GFRA2: variants seen among roughly 807,000 people sequenced by gnomAD.
GFRA2 encodes the protein GDNF family receptor alpha 2.
Under a neutral mutation model 48.3 loss-of-function variants are expected in GFRA2, and 17 were observed. That is an observed-to-expected ratio of 0.35 (90% CI 0.24 to 0.53). The LOEUF is 0.53. Among genes scored for constraint, GFRA2 ranks in the 20% least tolerant of loss-of-function variants. GFRA2 has a pLI of 0.93. For missense variants in GFRA2, 660 were observed against 637.3 expected (o/e 1.04, Z -0.38); for synonymous variants, 305 against 257.2 (o/e 1.19, Z -1.78).
At chr8:21,778,793 A>G (rs1806832918) in intron 2 of GFRA2, among the ~76,000 whole-genome samples, 1 of 152,044 alleles carries the variant, frequency 6.6e-6, no homozygotes, top group African/African-American at 2.4e-5. Context: ...AGGCTGAGGC[A>G]GAAGGGTCAC....
chr8:21,707,793 C>T (rs1210052914), intron 4 of GFRA2, among the ~76,000 whole-genome samples: 2 of 152,172 alleles, frequency 1.3e-5, no homozygotes, highest in East Asian at 1.9e-4. Context: ...GTGAAGGTTC[C>T]GGAACCATGT....
intron 3 of GFRA2, among the ~76,000 whole-genome samples, chr8:21,768,378 G>C (rs1806281440): frequency 6.6e-6 from 1 of 152,230 alleles, no homozygotes; most frequent in African/African-American, 2.4e-5. Context: ...GGCAGGGAGA[G>C]CTGCTGCTGT....
At chr8:21,725,782 T>C (rs1337937808) in intron 4 of GFRA2, among the ~76,000 whole-genome samples, 1 of 152,174 alleles carries the variant, frequency 6.6e-6, no homozygotes, top group Admixed American at 6.5e-5. Context: ...CTCTCTGCAG[T>C]GCAAGCCCAA....
intron 2 of GFRA2, among the ~76,000 whole-genome samples, chr8:21,799,933 C>T (rs951182524): frequency 1.8e-4 from 27 of 152,288 alleles, no homozygotes; most frequent in African/African-American, 6.5e-4. Flanking sequence ...TGGCCTTGTG[C>T]CCTCCCACAG....
intron 2 of GFRA2, among the ~76,000 whole-genome samples, chr8:21,800,304 T>A (rs1807747646): frequency 6.6e-6 from 1 of 152,200 alleles, no homozygotes; most frequent in African/African-American, 2.4e-5. Flanking sequence ...AAGGCCCTAA[T>A]GTAAAATAAT....
intron 2 of GFRA2, among the ~76,000 whole-genome samples, chr8:21,794,230 T>A (rs1204876524): frequency 1.7e-4 from 24 of 139,042 alleles, no homozygotes; most frequent in Non-Finnish European, 3.4e-4. Flanking sequence ...ATCCTGAGAG[T>A]GACTTTTTTT....
intron 4 of GFRA2, among the ~76,000 whole-genome samples, chr8:21,738,783 G>T (rs1016820028): frequency 6.6e-6 from 1 of 152,140 alleles, no homozygotes; most frequent in Non-Finnish European, 1.5e-5. Flanking sequence ...GTGGGGGCCG[G>T]CCCCGCATGT....
intron 4 of GFRA2, among the ~76,000 whole-genome samples, chr8:21,736,291 T>C (rs1226377179): frequency 6.6e-6 from 1 of 151,776 alleles, no homozygotes; most frequent in Non-Finnish European, 1.5e-5. Context: ...AGTGGGAAAA[T>C]GTTAACAATG....
chr8:21,717,038 C>T (rs1004193160), intron 4 of GFRA2, among the ~76,000 whole-genome samples: 7 of 152,212 alleles, frequency 4.6e-5, no homozygotes, highest in East Asian at 1.9e-4. Context: ...CCAGGTCAGC[C>T]GGCTGCTCTC....
At chr8:21,760,864 A>G (rs966081242) in intron 3 of GFRA2, among the ~76,000 whole-genome samples, 2 of 152,126 alleles carry the variant, frequency 1.3e-5, no homozygotes, top group Non-Finnish European at 2.9e-5. Flanking sequence ...AAAAATCAAG[A>G]GATGCTGATT....
chr8:21,781,681 G>A (rs1437150986), intron 2 of GFRA2, among the ~76,000 whole-genome samples: 1 of 152,080 alleles, frequency 6.6e-6, no homozygotes, highest in Non-Finnish European at 1.5e-5. Context: ...CTTCAGGAGG[G>A]CAGAGGCTGC....
intron 7 of GFRA2, among the ~76,000 whole-genome samples, chr8:21,700,792 T>C (rs914148614): frequency 6.6e-6 from 1 of 152,096 alleles, no homozygotes; most frequent in African/African-American, 2.4e-5. Flanking sequence ...CCTCTCCCTC[T>C]AGGGTGTATC....
At position 21,750,107 on chromosome 8, in the gene GFRA2, A is replaced by ACACACACACACACACGCACG. The variant is rs201515239; in HGVS notation, c.794+480_794+481insCGTGCGTGTGTGTGTGTGTG. Among the ~76,000 whole-genome samples, 1 of 150,656 alleles carries ACACACACACACACACGCACG rather than the reference A, an allele frequency of 6.6e-6. No individual in the cohort carries two copies. Among genetic ancestry groups the ACACACACACACACACGCACG allele is most frequent in the Non-Finnish European group, 1.5e-5 (1 of 67,780 alleles). On this transcript the variant is annotated intron_variant, in intron 4 of 8. Coordinates refer to ENST00000524240, the MANE Select transcript of GFRA2 (RefSeq NM_001495.5). The surrounding 1 kb of genome is among the most constrained non-coding windows in gnomAD (Gnocchi z 5.7). ...TGTGTATACACACACACACACACACACACGCACATATATAGGTAGAGACTG... is the reference window on the plus strand; with the variant it reads ...TGTGTATACACACACACACACACACACACACACACACACACGCACGCACGCACATATATAGGTAGAGACTG...
chr8:21,737,424 T>TC (rs1804523426), intron 4 of GFRA2, among the ~76,000 whole-genome samples: 1 of 151,666 alleles, frequency 6.6e-6, no homozygotes, highest in Admixed American at 6.6e-5. Context: ...TAGGACCCCC[T>TC]CCACCTGACT....
intron 4 of GFRA2, among the ~76,000 whole-genome samples, chr8:21,746,724 G>A (rs149143884): frequency 0.012 from 1,808 of 151,510 alleles, 17 homozygotes; most frequent in Non-Finnish European, 0.02. Flanking sequence ...TTTCAACGCC[G>A]TTTCTGGTTC....
intron 2 of GFRA2, among the ~76,000 whole-genome samples, chr8:21,775,986 CCT>C (rs1806675743): frequency 2.4e-5 from 3 of 124,602 alleles, no homozygotes; most frequent in South Asian, 2.6e-4. Flanking sequence ...CACCACTCAT[CCT>C]CTGTGTGTGT....
chr8:21,807,570 T>C (rs867337855), intron 1 of GFRA2, among the ~76,000 whole-genome samples: 4 of 152,256 alleles, frequency 2.6e-5, no homozygotes, highest in Middle Eastern at 3.2e-3. Context: ...GCTGGAATTC[T>C]GAGATCAAGG....
At chr8:21,793,681 G>C (rs1441194107), upstream of GFRA2, among the ~76,000 whole-genome samples, 1 of 152,046 alleles carries the variant, frequency 6.6e-6, no homozygotes, top group Non-Finnish European at 1.5e-5. Flanking sequence ...GGCAGAATCT[G>C]GATTCAAACT....
intron 1 of GFRA2, among the ~76,000 whole-genome samples, chr8:21,783,880 T>C (rs1807136071): frequency 1.3e-5 from 2 of 151,926 alleles, no homozygotes; most frequent in Admixed American, 1.3e-4. Flanking sequence ...ACCTTTTACC[T>C]CTTGTCTTTC....
Sources: gnomAD v4.1 joint callset for allele counts (sites outside exome capture counted in the v4.1 genomes callset) on GRCh38, gnomAD v4.1.1 for gene constraint, Gnocchi (gnomAD v3.1) non-coding constraint, MANE v1.5 for transcripts, NCBI Gene and HGNC (gene_info 2026-07-23, HGNC 2026-07-21) for gene names.